GLRA2: variants seen among roughly 807,000 people sequenced by gnomAD.
The protein encoded by GLRA2 is glycine receptor alpha 2.
Under a neutral mutation model 31.6 loss-of-function variants are expected in GLRA2, and 11 were observed. The observed-to-expected ratio is 0.35, with a 90% CI of 0.22 to 0.58. GLRA2 has a LOEUF of 0.58. GLRA2 is among the 20% of genes least tolerant of loss of function. GLRA2 has a pLI of 0.84. For synonymous variants in GLRA2, 132 were observed against 134.0 expected (o/e 0.99, Z 0.10); for missense variants, 212 against 351.8 (o/e 0.60, Z 3.18).
the GLRA2 span, among the ~76,000 whole-genome samples, chrX:14,462,658 A>G: frequency 9.0e-6 from 1 of 111,268 alleles, no homozygotes; most frequent in Non-Finnish European, 1.9e-5. Flanking sequence ...AACTTTGTGT[A>G]TGCTTCACGA....
At chrX:14,704,352 A>G (rs1481765563) in intron 8 of GLRA2, among the ~76,000 whole-genome samples, 7 of 112,306 alleles carry the variant, frequency 6.2e-5, no homozygotes, top group Non-Finnish European at 3.8e-5. Context: ...TAATTGGTGT[A>G]AGATTCTTTT....
chrX:14,490,564 T>C, the GLRA2 span, among the ~76,000 whole-genome samples: 2 of 112,559 alleles, frequency 1.8e-5, no homozygotes, highest in Non-Finnish European at 3.7e-5. Flanking sequence ...CTCGGTTCCA[T>C]TCCACAGTTT....
rs778476650 is a variant in GLRA2 at position 14,579,057 on chromosome X, C to T, written c.271-2126C>T. On this transcript the variant is annotated intron_variant, in intron 3 of 8. Coordinates refer to ENST00000218075, the MANE Select transcript of GLRA2 (RefSeq NM_002063.4). ...CCCTCAAATCCTTCCCCACAACAGA[C>T]ATTTCACATGCTTTGCTGGTTACTT... 6.2e-5 allele frequency among the ~76,000 whole-genome samples: 7 copies of T among 112,271 alleles called. No individual in the cohort carries two copies. In the South Asian group the frequency reaches 1.1e-3, roughly 18 times the overall value.
At chrX:14,589,584 T>C (rs2090119712) in intron 4 of GLRA2, among the ~76,000 whole-genome samples, 1 of 105,448 alleles carries the variant, frequency 9.5e-6, no homozygotes, top group Non-Finnish European at 1.9e-5. Context: ...GACAGGAGAA[T>C]CACTGGAACT....
chrX:14,454,279 T>C, the GLRA2 span, among the ~76,000 whole-genome samples: 14 of 109,574 alleles, frequency 1.3e-4, no homozygotes, highest in South Asian at 3.9e-3. Flanking sequence ...CAGTGGATTG[T>C]AGCTATGTCA....
chrX:14,679,002 C>T (rs187591055), intron 7 of GLRA2, among the ~76,000 whole-genome samples: 11 of 110,828 alleles, frequency 9.9e-5, no homozygotes, highest in Admixed American at 2.9e-4. Context: ...TGCCTACATT[C>T]CATGGAGGAT....
At chrX:14,538,506 T>C (rs1373375696) in intron 2 of GLRA2, among the ~76,000 whole-genome samples, 1 of 111,462 alleles carries the variant, frequency 9.0e-6, no homozygotes, top group Non-Finnish European at 1.9e-5. Context: ...AACCATAATG[T>C]AGAGGTCATA....
chrX:14,680,513 T>C (rs1353532322), intron 7 of GLRA2, among the ~76,000 whole-genome samples: 2 of 111,922 alleles, frequency 1.8e-5, no homozygotes, highest in Non-Finnish European at 3.8e-5. Flanking sequence ...AAAAATAATG[T>C]AACAGGGGAA....
intron 8 of GLRA2, among the ~76,000 whole-genome samples, chrX:14,719,534 A>G (rs2091837960): frequency 8.9e-6 from 1 of 112,159 alleles, no homozygotes; most frequent in Admixed American, 9.5e-5. Context: ...AATAGCTATT[A>G]TCAAAAAGAC....
Position 14,593,759 on chromosome X carries a change from G to A in GLRA2, c.495-10556G>A, listed in dbSNP as rs137933768. Among the ~76,000 whole-genome samples, 1,124 of 112,945 alleles carry A rather than the reference G, an allele frequency of 1.0e-2. 8 individuals carry two copies. The highest frequency in any genetic ancestry group is 0.019 in the Middle Eastern group (4 of 214). On this transcript the variant is annotated intron_variant, in intron 4 of 8. Transcript: ENST00000218075. ...AGGATAAAAGGGAGGAAGTAAGGGC[G>A]ACAACGCCCCTTACCTTCCTTAACA... is the stretch of plus-strand genomic sequence containing the variant.
intron 7 of GLRA2, among the ~76,000 whole-genome samples, chrX:14,684,720 G>C (rs1303567678): frequency 3.6e-5 from 4 of 111,607 alleles, no homozygotes; most frequent in Non-Finnish European, 7.5e-5. Flanking sequence ...TTTTGGCTGA[G>C]ACCATGGGGT....
intron 7 of GLRA2, among the ~76,000 whole-genome samples, chrX:14,641,546 G>A (rs1452421021): frequency 9.0e-6 from 1 of 111,322 alleles, no homozygotes; most frequent in Non-Finnish European, 1.9e-5. Flanking sequence ...ATAAAATGAG[G>A]ATAATAATAG....
chrX:14,464,263 A>C, the GLRA2 span, among the ~76,000 whole-genome samples: 3 of 111,958 alleles, frequency 2.7e-5, no homozygotes, highest in African/African-American at 9.7e-5. Context: ...TCCCAGACCA[A>C]TATCCTGGAG....
intron 7 of GLRA2, among the ~76,000 whole-genome samples, chrX:14,654,576 G>A (rs1424153791): frequency 9.0e-6 from 1 of 111,374 alleles, no homozygotes; most frequent in Admixed American, 9.5e-5. Context: ...TTAGCATGTG[G>A]GCATGTTTTC....
chrX:14,710,073 A>G (rs769418644), intron 8 of GLRA2, among the ~76,000 whole-genome samples: 5 of 111,580 alleles, frequency 4.5e-5, no homozygotes, highest in Non-Finnish European at 7.5e-5. Context: ...GAAACCTCCT[A>G]ACACTTCTCC....
chrX:14,600,104 T>G (rs1314715301), intron 4 of GLRA2, among the ~76,000 whole-genome samples: 1 of 111,400 alleles, frequency 9.0e-6, no homozygotes, highest in Non-Finnish European at 1.9e-5. Flanking sequence ...GATAGGGTCA[T>G]GCTTGTTAGG....
At chrX:14,676,426 G>A (rs1326203474) in intron 7 of GLRA2, among the ~76,000 whole-genome samples, 3 of 112,047 alleles carry the variant, frequency 2.7e-5, no homozygotes, top group African/African-American at 9.7e-5. Flanking sequence ...ATAGTCATTT[G>A]TGATTTTTTC....
the GLRA2 span, among the ~76,000 whole-genome samples, chrX:14,457,596 T>C: frequency 6.1e-4 from 69 of 112,248 alleles, no homozygotes; most frequent in African/African-American, 2.2e-3. Context: ...ATCCAGTCTA[T>C]CATTGATGGG....
chrX:14,629,793 T>C (rs2090624409), intron 7 of GLRA2, among the ~76,000 whole-genome samples: 2 of 111,863 alleles, frequency 1.8e-5, no homozygotes, highest in Admixed American at 9.5e-5. Context: ...ATTTTACTTA[T>C]CACAGTCTAC....
Sources: allele counts gnomAD v4.1 joint callset (sites outside exome capture counted in the v4.1 genomes callset), GRCh38; gene constraint gnomAD v4.1.1; transcripts MANE v1.5; gene names NCBI Gene and HGNC (gene_info 2026-07-23, HGNC 2026-07-21).